The following BCAS3 variants were observed in gnomAD, a reference collection of about 807,000 sequenced individuals.
The protein encoded by BCAS3 is BCAS4/BCAS3 fusion.
In BCAS3, 53 loss-of-function variants were observed where a neutral mutation model predicts 116.1. That is an observed-to-expected ratio of 0.46 (90% confidence interval 0.37 to 0.57). The LOEUF (loss-of-function observed/expected upper bound fraction) is 0.57, where lower values mean the gene tolerates loss of function less well. BCAS3 is among the 20% of genes least tolerant of loss of function. The pLI is 0.00. For missense variants in BCAS3, 917 were observed against 1,165.4 expected, an observed-to-expected ratio of 0.79 and a Z score of 3.10; for synonymous variants, 391 against 408.2, an observed-to-expected ratio of 0.96 and a Z score of 0.51.
At chr17:60,712,164 C>CAAAACAAAAACAAAAACAAAAACA (rs149887243) in intron 5 of BCAS3, among the ~76,000 whole-genome samples, 1 of 145,756 alleles carries the variant, frequency 6.9e-6, no homozygotes, top group African/African-American at 2.5e-5. Flanking sequence ...GACTCTGTCT[C>CAAAACAAAAACAAAAACAAAAACA]AAAACAAAAA....
At chr17:61,050,076 A>G (rs1328879340) in intron 19 of BCAS3, among the ~76,000 whole-genome samples, 1 of 152,024 alleles carries the variant, frequency 6.6e-6, no homozygotes, top group Non-Finnish European at 1.5e-5. Context: ...CCATCAACCC[A>G]GAATTATATT....
chr17:61,076,295 A>AT (rs1459522811), intron 20 of BCAS3, among the ~76,000 whole-genome samples: 4 of 152,206 alleles, frequency 2.6e-5, no homozygotes, highest in Non-Finnish European at 5.9e-5. Context: ...TGTGGAGGCC[A>AT]TTTGTAGTTT....
At chr17:60,942,448 C>T (rs2060274506) in intron 13 of BCAS3, among the ~76,000 whole-genome samples, 1 of 151,834 alleles carries the variant, frequency 6.6e-6, no homozygotes, top group Admixed American at 6.6e-5. Context: ...CAAAACAAAA[C>T]AAAACAAAAC....
intron 19 of BCAS3, among the ~76,000 whole-genome samples, chr17:61,057,035 C>T (rs560467909): frequency 1.3e-5 from 2 of 152,146 alleles, no homozygotes; most frequent in Non-Finnish European, 2.9e-5. Flanking sequence ...TAGCTGCTCT[C>T]GACCATAGGA....
At chr17:60,988,198 A>G (rs1489962535) in intron 14 of BCAS3, among the ~76,000 whole-genome samples, 1 of 145,254 alleles carries the variant, frequency 6.9e-6, no homozygotes, top group African/African-American at 2.6e-5. Flanking sequence ...TTTTTTTTTG[A>G]TGTGTTGTTG....
intron 4 of BCAS3, among the ~76,000 whole-genome samples, chr17:60,706,707 T>C (rs2037182253): frequency 6.6e-6 from 1 of 151,586 alleles, no homozygotes; most frequent in Non-Finnish European, 1.5e-5. Context: ...TACAGTGAGC[T>C]GAGATTGTGC....
intron 5 of BCAS3, among the ~76,000 whole-genome samples, chr17:60,725,296 T>C (rs1270636913): frequency 6.6e-6 from 1 of 152,206 alleles, no homozygotes. Context: ...AGAAACTCAA[T>C]CTGAGAAAGT....
At chr17:60,992,350 T>C (rs1409114979) in intron 15 of BCAS3, among the ~76,000 whole-genome samples, 1 of 152,174 alleles carries the variant, frequency 6.6e-6, no homozygotes, top group African/African-American at 2.4e-5. Context: ...ATGCTTTGGT[T>C]CTATTATTTT....
At chr17:60,718,090 A>G (rs2038842631) in intron 5 of BCAS3, among the ~76,000 whole-genome samples, 1 of 152,214 alleles carries the variant, frequency 6.6e-6, no homozygotes, top group Non-Finnish European at 1.5e-5. Flanking sequence ...GGCAGAGCTT[A>G]GGCAGTAATG....
intron 6 of BCAS3, among the ~76,000 whole-genome samples, chr17:60,780,538 A>G (rs574936775): frequency 4.0e-4 from 61 of 151,498 alleles, no homozygotes; most frequent in Non-Finnish European, 8.3e-4. Context: ...GCTGACCTCA[A>G]GTGATCCACC....
At chr17:61,039,256 G>T (rs1057482261) in intron 18 of BCAS3, among the ~76,000 whole-genome samples, 1 of 152,132 alleles carries the variant, frequency 6.6e-6, no homozygotes, top group Non-Finnish European at 1.5e-5. Flanking sequence ...ATCTATCCAT[G>T]TTGTAGCGTG....
rs2083290002 is a variant in BCAS3 at position 61,239,227 on chromosome 17, A to G, written c.2426-129100A>G. The stretch of plus-strand genomic sequence containing the variant: ...ATAGTAGGAGTTGATTGGCACCAAC[A>G]TCTTTATTTAGTTTGGGTTAGAACA... On this transcript the variant is annotated intron_variant, in intron 22 of 23. Transcript: ENST00000407086. The surrounding 1 kb of genome is among the most constrained non-coding windows in gnomAD (Gnocchi z 4.2). Among the ~76,000 whole-genome samples, 1 of 152,230 alleles carries G rather than the reference A, an allele frequency of 6.6e-6. No individual in the cohort carries two copies. Among genetic ancestry groups the G allele is most frequent in the South Asian group, 2.1e-4 (1 of 4,830 alleles).
At position 60,962,726 on chromosome 17, in the gene BCAS3, G is replaced by A. The variant is rs2061470136; in HGVS notation, c.1221+15374G>A. Among the ~76,000 whole-genome samples, 1 of 152,104 alleles carries A rather than the reference G, an allele frequency of 6.6e-6. No individual in the cohort carries two copies. Among genetic ancestry groups the A allele is most frequent in the Admixed American group, 6.5e-5 (1 of 15,270 alleles). ...CTTTGTTGATTATTTCTTTTGCTGT[G>A]TAGAAGCTTCTTAGCTTCAGGTAAT... On this transcript the variant is annotated intron_variant, in intron 14 of 23. Transcript: ENST00000407086. This position sits in a 1 kb window ranked among gnomAD's most constrained non-coding sequence, Gnocchi z 4.4.
In BCAS3 at chr17:61,367,312, C is replaced by T. The variant is rs1176336547; in HGVS notation, c.2426-1015C>T. On this transcript the variant is annotated intron_variant, in intron 22 of 23. Transcript: ENST00000407086. The surrounding 1 kb of genome is among the most constrained non-coding windows in gnomAD (Gnocchi z 6.2). ...ATGGTATGTGCTTAAAGCAACAGAG[C>T]GTGACTATAATCTCCTTCCGAGAGA... Among the ~76,000 whole-genome samples, 2 of 152,170 alleles carry T rather than the reference C, an allele frequency of 1.3e-5. No homozygotes were observed. The highest frequency in any genetic ancestry group is 2.1e-4 in the South Asian group (1 of 4,836).
intron 9 of BCAS3, among the ~76,000 whole-genome samples, chr17:60,886,840 C>T (rs1466031104): frequency 6.6e-6 from 1 of 151,386 alleles, no homozygotes; most frequent in Non-Finnish European, 1.5e-5. Context: ...AACCACTGCT[C>T]TCTTCAAAGC....
intron 13 of BCAS3, among the ~76,000 whole-genome samples, chr17:60,925,325 G>A (rs2059314262): frequency 1.3e-5 from 2 of 152,054 alleles, no homozygotes; most frequent in African/African-American, 4.8e-5. Flanking sequence ...TTGTTTGTTT[G>A]TTTCTAAACT....
chr17:61,045,979 ATATATATATTT>A (rs2068167529), intron 19 of BCAS3, among the ~76,000 whole-genome samples: 1 of 10,180 alleles, frequency 9.8e-5, no homozygotes, highest in Non-Finnish European at 1.3e-4. Flanking sequence ...TATATATATT[ATATATATATTT>A]ATATATATAT....
chr17:60,866,166 T>C (rs1180601004), intron 7 of BCAS3, among the ~76,000 whole-genome samples: 1 of 151,852 alleles, frequency 6.6e-6, no homozygotes, highest in African/African-American at 2.4e-5. Context: ...AGTTTCACTG[T>C]TGTTGCCTAG....
Position 61,171,798 on chromosome 17 carries a change from AT to A in BCAS3, c.2425+87249del, listed in dbSNP as rs777029615. 2.1e-3 allele frequency among the ~76,000 whole-genome samples: 303 copies of A among 142,402 alleles called. No homozygotes were observed. Among genetic ancestry groups the A allele is most frequent in the Middle Eastern group, 7.1e-3 (2 of 280 alleles). The allele number at this position is 142,402 out of a possible 152,430, so 93.4% of individuals were successfully genotyped here. A position where few individuals can be genotyped will look rare whatever the true frequency, so the allele number is the denominator to read the frequency against. On this transcript the variant is annotated intron_variant, in intron 22 of 23. Transcript: ENST00000407086. This position sits in a 1 kb window ranked among gnomAD's most constrained non-coding sequence, Gnocchi z 4.1. ...ACCATGCCCTGCTAATTAAAAAAAA[AT>A]TTTTTTTTTTTTTTGTAGAAATGGA...
Sources: gnomAD v4.1 joint callset for allele counts (sites outside exome capture counted in the v4.1 genomes callset) on GRCh38, gnomAD v4.1.1 for gene constraint, Gnocchi (gnomAD v3.1) non-coding constraint, MANE v1.5 for transcripts, NCBI Gene and HGNC (gene_info 2026-07-23, HGNC 2026-07-21) for gene names.